Variants in PALM2AKAP2 observed in about 807,000 individuals in gnomAD.
The protein encoded by PALM2AKAP2 is PALM2 and AKAP2 fusion.
PALM2AKAP2 carries 37 observed loss-of-function variants against 71.5 expected under a neutral mutation model. That is an observed-to-expected ratio of 0.52 (90% CI 0.40 to 0.68). PALM2AKAP2 has a LOEUF of 0.68. Ranked by LOEUF, PALM2AKAP2 falls within the 30% of genes least tolerant of loss-of-function variation. PALM2AKAP2 has a pLI of 0.00. For missense variants in PALM2AKAP2, 1,224 were observed against 1,191.8 expected (o/e 1.03, Z -0.40); for synonymous variants, 468 against 478.8 (o/e 0.98, Z 0.29).
chr9:110,121,393 C>A (rs149701882), intron 1 of PALM2AKAP2, among the ~76,000 whole-genome samples: 1 of 152,160 alleles, frequency 6.6e-6, no homozygotes, highest in African/African-American at 2.4e-5. Context: ...GGAGGAAGGG[C>A]GGTTGTGAGG....
intron 6 of PALM2AKAP2, among the ~76,000 whole-genome samples, chr9:109,950,082 C>T (rs765809692): frequency 2.0e-5 from 3 of 152,076 alleles, no homozygotes; most frequent in Non-Finnish European, 4.4e-5. Flanking sequence ...CCCAGAAGTT[C>T]AAGACCAGGC....
chr9:109,847,760 T>A (rs1326270660), intron 1 of PALM2AKAP2: 1 of 150,580 alleles, frequency 6.6e-6, no homozygotes, highest in Non-Finnish European at 1.5e-5. Context: ...AAAAAATCTA[T>A]TGTTTTAAGC....
chr9:110,091,566 C>A (rs147154189), intron 1 of PALM2AKAP2, among the ~76,000 whole-genome samples: 1,720 of 147,560 alleles, frequency 0.012, 27 homozygotes, highest in African/African-American at 0.042. Flanking sequence ...GGGTTCATGC[C>A]ATTCTCCTGC....
chr9:109,841,875 A>T (rs1587951512), intron 1 of PALM2AKAP2, among the ~76,000 whole-genome samples: 1 of 59,054 alleles, frequency 1.7e-5, no homozygotes, highest in African/African-American at 6.9e-5. Context: ...GATGGAGGGG[A>T]GGGTAGAGAG....
At chr9:109,920,373 CTT>C (rs11368227) in intron 3 of PALM2AKAP2, among the ~76,000 whole-genome samples, 8,642 of 141,672 alleles carry the variant, frequency 0.061, 348 homozygotes, top group Admixed American at 0.13. Context: ...ATAATGTAAT[CTT>C]TTTTTTTTTT....
intron 3 of PALM2AKAP2, among the ~76,000 whole-genome samples, chr9:109,922,291 G>A (rs1830849251): frequency 6.6e-6 from 1 of 151,590 alleles, no homozygotes; most frequent in South Asian, 2.1e-4. Flanking sequence ...GCATGGTGGT[G>A]TGTGCCTTTA....
chr9:109,707,097 A>G (rs960531121), intron 1 of PALM2AKAP2, among the ~76,000 whole-genome samples: 2 of 152,204 alleles, frequency 1.3e-5, no homozygotes, highest in African/African-American at 4.8e-5. Flanking sequence ...TTATTCTCCA[A>G]GTTTTGAAAA....
chr9:109,908,691 A>G (rs1830502581), intron 3 of PALM2AKAP2, among the ~76,000 whole-genome samples: 1 of 152,184 alleles, frequency 6.6e-6, no homozygotes, highest in African/African-American at 2.4e-5. Context: ...ATGCGTCTTG[A>G]AAACACTACC....
intron 1 of PALM2AKAP2, among the ~76,000 whole-genome samples, chr9:109,681,289 C>T (rs967340558): frequency 2.6e-5 from 4 of 152,154 alleles, no homozygotes; most frequent in African/African-American, 9.7e-5. Context: ...AGAGAGCTCT[C>T]ATGAATTTCT....
Position 109,688,160 on chromosome 9 carries a change from G to A in PALM2AKAP2, c.5+47294G>A, listed in dbSNP as rs570917037. ...AATATTGCAAGAATGACCAAAATGC[G>A]ACATAGAGACACGAAGTGTGCACAA... is the stretch of plus-strand genomic sequence containing the variant. On this transcript the variant is annotated intron_variant, in intron 1 of 6. Coordinates refer to the PALM2AKAP2 transcript ENST00000374531. Among the ~76,000 whole-genome samples, 45 of 152,250 alleles carry A rather than the reference G, an allele frequency of 3.0e-4. No homozygotes were observed. The South Asian group carries it at 3.1e-3, about 11-fold the overall frequency.
At chr9:109,667,273 T>G (rs867696813) in intron 1 of PALM2AKAP2, among the ~76,000 whole-genome samples, 3 of 152,076 alleles carry the variant, frequency 2.0e-5, no homozygotes, top group African/African-American at 7.2e-5. Flanking sequence ...AGCTATCCCC[T>G]AAAGGAAGAC....
intron 6 of PALM2AKAP2, among the ~76,000 whole-genome samples, chr9:109,996,692 CCTT>C (rs1158386621): frequency 6.6e-6 from 1 of 152,224 alleles, no homozygotes; most frequent in African/African-American, 2.4e-5. Context: ...GCTCTTTTCT[CCTT>C]CAAGAGAGGT....
chr9:110,131,547 G>C (rs763139209), intron 1 of PALM2AKAP2, among the ~76,000 whole-genome samples: 1 of 152,182 alleles, frequency 6.6e-6, no homozygotes, highest in Non-Finnish European at 1.5e-5. Flanking sequence ...ATCATCTGAT[G>C]ATACCAAGCC....
chr9:109,775,348 C>T (rs1206122325), upstream of PALM2AKAP2, among the ~76,000 whole-genome samples: 1 of 152,218 alleles, frequency 6.6e-6, no homozygotes, highest in African/African-American at 2.4e-5. Context: ...CAACATTCAG[C>T]CTAGTTTATT....
intron 2 of PALM2AKAP2, among the ~76,000 whole-genome samples, chr9:110,155,217 C>T (rs1466455808): frequency 1.3e-5 from 2 of 152,198 alleles, no homozygotes; most frequent in South Asian, 2.1e-4. Context: ...GAGTCCCCTT[C>T]GGCTTGGAAC....
At chr9:110,091,700 G>C (rs1834719317) in intron 1 of PALM2AKAP2, among the ~76,000 whole-genome samples, 1 of 152,030 alleles carries the variant, frequency 6.6e-6, no homozygotes, top group African/African-American at 2.4e-5. Context: ...CTGACCTCAT[G>C]ATCTGCCCGC....
chr9:110,036,030 C>T (rs1167896323), intron 7 of PALM2AKAP2, among the ~76,000 whole-genome samples: 2 of 151,980 alleles, frequency 1.3e-5, no homozygotes, highest in Non-Finnish European at 2.9e-5. Flanking sequence ...CAAGCTCCAC[C>T]TCCCGGGTTC....
intron 1 of PALM2AKAP2, among the ~76,000 whole-genome samples, chr9:109,663,467 G>A (rs999649523): frequency 1.3e-5 from 2 of 152,198 alleles, no homozygotes; most frequent in Non-Finnish European, 2.9e-5. Context: ...TCAGGAGCAA[G>A]TTGTTCAGTT....
At chr9:110,096,484 C>T (rs1219541455) in intron 1 of PALM2AKAP2, among the ~76,000 whole-genome samples, 1 of 138,522 alleles carries the variant, frequency 7.2e-6, no homozygotes, top group South Asian at 2.2e-4. Context: ...CCAGGCTGGT[C>T]TTAAACTCCT....
Sources: gnomAD v4.1 joint callset for allele counts (sites outside exome capture counted in the v4.1 genomes callset) on GRCh38, gnomAD v4.1.1 for gene constraint, MANE v1.5 for transcripts, NCBI Gene and HGNC (gene_info 2026-07-23, HGNC 2026-07-21) for gene names.